ADCY2: variants seen among roughly 807,000 people sequenced by gnomAD.
ADCY2 encodes the protein adenylate cyclase 2.
Under a neutral mutation model 125.2 loss-of-function variants are expected in ADCY2, and 31 were observed. The ratio of observed to expected loss-of-function variants is 0.25; its 90% CI spans 0.19 to 0.33. ADCY2 has a LOEUF of 0.33. Ranked by LOEUF, ADCY2 falls within the 10% of genes least tolerant of loss-of-function variation. The pLI, the probability that ADCY2 is intolerant of heterozygous loss-of-function variation, is 1.00. For missense variants in ADCY2, 904 were observed against 1,418.2 expected (o/e 0.64, Z 5.82); for synonymous variants, 512 against 548.4 (o/e 0.93, Z 0.93).
intron 2 of ADCY2, 105 bp downstream of exon 2, chr5:7,414,875 TG>T: frequency 1.1e-6 from 1 of 925,078 alleles, no homozygotes; most frequent in Non-Finnish European, 1.6e-6. Context: ...GTCCTATAAC[TG>T]AGAGCAGAGT....
intron 2 of ADCY2, among the ~76,000 whole-genome samples, chr5:7,452,730 G>T (rs2126422815): frequency 6.6e-6 from 1 of 152,152 alleles, no homozygotes; most frequent in East Asian, 1.9e-4. Flanking sequence ...GTGAATAAGT[G>T]TTCCCTTTTC....
At chr5:7,622,379 G>A (rs186116130) in intron 3 of ADCY2, among the ~76,000 whole-genome samples, 100 of 152,248 alleles carry the variant, frequency 6.6e-4, no homozygotes, top group African/African-American at 2.4e-3. Flanking sequence ...CCGGGTATCA[G>A]GAACAGGCTT....
At chr5:7,591,792 C>CT (rs1293572030) in intron 3 of ADCY2, among the ~76,000 whole-genome samples, 1 of 152,092 alleles carries the variant, frequency 6.6e-6, no homozygotes, top group East Asian at 1.9e-4. Context: ...TATTATGCCT[C>CT]TGAGTTTTTG....
At chr5:7,644,192 T>G (rs1265041035) in intron 4 of ADCY2, among the ~76,000 whole-genome samples, 2 of 152,132 alleles carry the variant, frequency 1.3e-5, no homozygotes, top group Non-Finnish European at 2.9e-5. Context: ...CTTACCCACT[T>G]CTTAACTTTG....
At chr5:7,792,994 C>T (rs1275936370) in intron 20 of ADCY2, among the ~76,000 whole-genome samples, 1 of 152,188 alleles carries the variant, frequency 6.6e-6, no homozygotes, top group Non-Finnish European at 1.5e-5. Flanking sequence ...AAGACAGCAG[C>T]AAAGTGCGGG....
chr5:7,677,252 T>C (rs1171029608), intron 4 of ADCY2, among the ~76,000 whole-genome samples: 1 of 152,018 alleles, frequency 6.6e-6, no homozygotes, highest in Non-Finnish European at 1.5e-5. Context: ...CACTCCAGCC[T>C]GAGCAACAAA....
intron 16 of ADCY2, among the ~76,000 whole-genome samples, chr5:7,762,726 AT>A (rs33995059): frequency 0.4 from 59,769 of 148,932 alleles, 12,214 homozygotes; most frequent in Non-Finnish European, 0.44. Flanking sequence ...TTTTCTCCGT[AT>A]TTTTTTTTTT....
intron 14 of ADCY2, among the ~76,000 whole-genome samples, chr5:7,730,223 T>A (rs1742059608): frequency 6.6e-6 from 1 of 152,256 alleles, no homozygotes; most frequent in African/African-American, 2.4e-5. Context: ...TTCTTTTATT[T>A]TTTTGGCAGA....
chr5:7,556,136 A>G (rs1219880389), intron 3 of ADCY2, among the ~76,000 whole-genome samples: 3 of 152,176 alleles, frequency 2.0e-5, no homozygotes, highest in African/African-American at 4.8e-5. Context: ...GCCAATAGCT[A>G]TGGATTTAGG....
At chr5:7,751,204 T>C (rs768670955) in intron 15 of ADCY2, among the ~76,000 whole-genome samples, 1 of 152,208 alleles carries the variant, frequency 6.6e-6, no homozygotes, top group Non-Finnish European at 1.5e-5. Flanking sequence ...ATACTTGTTA[T>C]TTTTCCTTAA....
intron 1 of ADCY2, among the ~76,000 whole-genome samples, chr5:7,410,415 A>C (rs537130368): frequency 6.6e-6 from 1 of 152,336 alleles, no homozygotes; most frequent in South Asian, 2.1e-4. Flanking sequence ...CTAAGAAACA[A>C]AGGAATTGTC....
chr5:7,397,807 C>G (rs1214602780), intron 1 of ADCY2, among the ~76,000 whole-genome samples: 1 of 152,122 alleles, frequency 6.6e-6, no homozygotes, highest in Non-Finnish European at 1.5e-5. Context: ...AGTCACAGAT[C>G]ACACACTGGC....
intron 4 of ADCY2, among the ~76,000 whole-genome samples, chr5:7,631,252 C>A (rs953743416): frequency 6.6e-6 from 1 of 152,222 alleles, no homozygotes; most frequent in African/African-American, 2.4e-5. Flanking sequence ...TCCACAAAAT[C>A]CCTGGTTTGC....
chr5:7,401,621 A>C (rs1402323695), intron 1 of ADCY2, among the ~76,000 whole-genome samples: 1 of 152,172 alleles, frequency 6.6e-6, no homozygotes, highest in Non-Finnish European at 1.5e-5. Context: ...TATTTTCATT[A>C]TGCTAAATGT....
chr5:7,772,394 A>C (rs1251193693), intron 17 of ADCY2, among the ~76,000 whole-genome samples: 1 of 152,178 alleles, frequency 6.6e-6, no homozygotes, highest in Non-Finnish European at 1.5e-5. Context: ...CACCCTGGTC[A>C]AGGCTTTTAA....
chr5:7,784,291 T>C, intron 18 of ADCY2, 74 bp from the exon 19 acceptor site: 1 of 1,041,278 alleles, frequency 9.6e-7, no homozygotes, highest in East Asian at 2.4e-5. Flanking sequence ...TATTTGTTGA[T>C]ATTCAAATTC....
intron 3 of ADCY2, among the ~76,000 whole-genome samples, chr5:7,530,211 A>G (rs6880956): frequency 0.47 from 71,904 of 152,150 alleles, 18,049 homozygotes; most frequent in South Asian, 0.57. Flanking sequence ...TTAGCCATCA[A>G]TGAGTAGTAG....
intron 17 of ADCY2, among the ~76,000 whole-genome samples, chr5:7,768,540 T>C (rs1007890692): frequency 6.6e-6 from 1 of 152,154 alleles, no homozygotes; most frequent in African/African-American, 2.4e-5. Flanking sequence ...AAAAAATGTA[T>C]AGCTGCAATA....
chr5:7,601,187 C>T (rs945408797), intron 3 of ADCY2, among the ~76,000 whole-genome samples: 8 of 152,198 alleles, frequency 5.3e-5, no homozygotes, highest in African/African-American at 1.7e-4. Flanking sequence ...TTGCCCAAGA[C>T]TCAAGGCCAG....
Sources: gnomAD v4.1 joint callset for allele counts (sites outside exome capture counted in the v4.1 genomes callset) on GRCh38, gnomAD v4.1.1 for gene constraint, MANE v1.5 for transcripts, NCBI Gene and HGNC (gene_info 2026-07-23, HGNC 2026-07-21) for gene names.